The following FUT8 variants were observed in gnomAD, a reference collection of about 807,000 sequenced individuals.
FUT8 encodes the protein alpha-(1,6)-fucosyltransferase.
In FUT8, 29 loss-of-function variants were observed where a neutral mutation model predicts 71.3. That is an observed-to-expected ratio of 0.41 (90% confidence interval 0.30 to 0.55). FUT8 has a LOEUF of 0.55. Ranked by LOEUF, FUT8 falls within the 20% of genes least tolerant of loss-of-function variation. The pLI, the probability that FUT8 is intolerant of heterozygous loss-of-function variation, is 0.34. For synonymous variants in FUT8, 254 were observed against 239.3 expected (o/e 1.06, Z -0.57); for missense variants, 544 against 702.1 (o/e 0.77, Z 2.55).
At chr14:65,724,095 C>T (rs1395026874) in intron 8 of FUT8, 52 bp from the exon 9 acceptor site, 1 of 1,372,142 alleles carries the variant, frequency 7.3e-7, no homozygotes, top group Non-Finnish European at 9.6e-7. Context: ...TGAGTACCCT[C>T]AAAGCACCCA....
intron 7 of FUT8, among the ~76,000 whole-genome samples, chr14:65,703,162 A>G (rs1427146841): frequency 6.6e-6 from 1 of 152,234 alleles, no homozygotes; most frequent in Non-Finnish European, 1.5e-5. Context: ...TTTAAGCTCA[A>G]ATGAGAAATT....
At chr14:65,458,237 A>G (rs1176651802) in intron 2 of FUT8, 1 of 147,238 alleles carries the variant, frequency 6.8e-6, no homozygotes, top group African/African-American at 2.5e-5. Context: ...ATAAAACAAC[A>G]TGAGAGGGTC....
intron 1 of FUT8, among the ~76,000 whole-genome samples, chr14:65,422,051 G>A (rs766269866): frequency 6.6e-6 from 1 of 152,106 alleles, no homozygotes; most frequent in Non-Finnish European, 1.5e-5. Flanking sequence ...CTGAATTAGA[G>A]ACATTTTGTT....
intron 7 of FUT8, among the ~76,000 whole-genome samples, chr14:65,718,548 A>AGTAGTTTTTT (rs1255631769): frequency 3.9e-5 from 6 of 152,226 alleles, no homozygotes; most frequent in African/African-American, 1.4e-4. Context: ...TTGTATGCTT[A>AGTAGTTTTTT]GTATGACCAG....
At chr14:65,734,453 A>G (rs911362860) in intron 10 of FUT8, among the ~76,000 whole-genome samples, 2 of 152,214 alleles carry the variant, frequency 1.3e-5, no homozygotes, top group Non-Finnish European at 2.9e-5. Context: ...AATATGGAAT[A>G]AGAATACAAC....
At chr14:65,470,342 G>A (rs894130889) in intron 2 of FUT8, among the ~76,000 whole-genome samples, 1 of 152,062 alleles carries the variant, frequency 6.6e-6, no homozygotes, top group African/African-American at 2.4e-5. Flanking sequence ...CAGCTGTATG[G>A]GGTTGGGGGA....
chr14:65,584,312 G>C (rs1314235965), intron 3 of FUT8, among the ~76,000 whole-genome samples: 1 of 152,016 alleles, frequency 6.6e-6, no homozygotes, highest in Admixed American at 6.6e-5. Context: ...CTGAGTAGCT[G>C]GGATTATAGG....
chr14:65,547,393 T>A (rs923549644), intron 2 of FUT8, among the ~76,000 whole-genome samples: 2 of 151,796 alleles, frequency 1.3e-5, no homozygotes, highest in African/African-American at 4.8e-5. Context: ...GTCATATATT[T>A]TACTATTGTG....
upstream of FUT8, among the ~76,000 whole-genome samples, chr14:65,405,975 G>A (rs1343584480): frequency 2.0e-5 from 3 of 152,180 alleles, no homozygotes; most frequent in East Asian, 3.8e-4. Context: ...CACAGCTCTC[G>A]CTGCCATCAT....
intron 7 of FUT8, among the ~76,000 whole-genome samples, chr14:65,691,979 GAA>G (rs1192912264): frequency 6.6e-6 from 1 of 152,086 alleles, no homozygotes; most frequent in Non-Finnish European, 1.5e-5. Flanking sequence ...AGAACAAAAT[GAA>G]AAGTCTCCCA....
chr14:65,567,782 C>T (rs975983345), intron 3 of FUT8, among the ~76,000 whole-genome samples: 1 of 151,854 alleles, frequency 6.6e-6, no homozygotes, highest in Non-Finnish European at 1.5e-5. Context: ...CAGATATTCT[C>T]TCCCTGGAAT....
intron 2 of FUT8, among the ~76,000 whole-genome samples, chr14:65,464,051 T>A (rs2066004693): frequency 6.6e-6 from 1 of 152,224 alleles, no homozygotes; most frequent in African/African-American, 2.4e-5. Flanking sequence ...ACATATTTTT[T>A]CTTAAGCACC....
In FUT8 at chr14:65,433,488, A is replaced by G. The variant is rs538014524; in HGVS notation, c.-326+20274A>G. 1.1e-3 allele frequency among the ~76,000 whole-genome samples: 163 copies of G among 152,304 alleles called. 1 individual carries two copies. Among genetic ancestry groups the G allele is most frequent in the South Asian group, 7.7e-3 (37 of 4,832 alleles). ...AGTTGTGTGCTTTTCGTATTTGCAT[A>G]TGCTATTGCCTTTCTTCAGATATTG... On this transcript the variant is annotated intron_variant, in intron 1 of 10. Coordinates refer to ENST00000673929, the MANE Select transcript of FUT8 (RefSeq NM_001371533.1).
intron 3 of FUT8, among the ~76,000 whole-genome samples, chr14:65,614,223 C>T (rs563952117): frequency 2.4e-4 from 37 of 152,190 alleles, no homozygotes; most frequent in Non-Finnish European, 4.1e-4. Context: ...ATAGCCCAGA[C>T]TTTTTGAGAT....
rs1332095722 is a variant in FUT8 at position 65,456,212 on chromosome 14, A to G, written c.-228+494A>G. ...ATTAAAACATTCTCTAAACCTTCCAAATTTGCTCGTGTTGCCTATTTGTAG... is the reference window on the plus strand; with the variant it reads ...ATTAAAACATTCTCTAAACCTTCCAGATTTGCTCGTGTTGCCTATTTGTAG... On this transcript the variant is annotated intron_variant, in intron 2 of 10. Transcript: ENST00000673929. 2.6e-5 allele frequency among the ~76,000 whole-genome samples: 4 copies of G among 152,122 alleles called. No homozygotes were observed. In the East Asian group the frequency reaches 5.8e-4, roughly 22 times the overall value.
chr14:65,376,556 G>A, the FUT8 span, among the ~76,000 whole-genome samples: 23 of 135,026 alleles, frequency 1.7e-4, 3 homozygotes, highest in African/African-American at 4.9e-4. Context: ...GATTATAGGC[G>A]CCCACCACCA....
At chr14:65,742,041 T>C in intron 10 of FUT8, 52 bp from the exon 11 acceptor site, 1 of 1,476,888 alleles carries the variant, frequency 6.8e-7, no homozygotes, top group Non-Finnish European at 9.3e-7. Flanking sequence ...TTTAGATTGC[T>C]GTGAAGGAGA....
At chr14:65,445,344 C>A (rs572858296) in intron 1 of FUT8, among the ~76,000 whole-genome samples, 34 of 152,328 alleles carry the variant, frequency 2.2e-4, no homozygotes, top group African/African-American at 7.9e-4. Context: ...GATGCTGGCG[C>A]CTTGATCTTG....
intron 5 of FUT8, among the ~76,000 whole-genome samples, chr14:65,624,106 A>G (rs1889770099): frequency 6.6e-6 from 1 of 152,240 alleles, no homozygotes; most frequent in Admixed American, 6.5e-5. Flanking sequence ...TTGAATCAGT[A>G]AAGAACTAGT....
Sources: gnomAD v4.1 joint callset for allele counts (sites outside exome capture counted in the v4.1 genomes callset) on GRCh38, gnomAD v4.1.1 for gene constraint, MANE v1.5 for transcripts, NCBI Gene and HGNC (gene_info 2026-07-23, HGNC 2026-07-21) for gene names.